XPO6: variants seen among roughly 807,000 people sequenced by gnomAD.
The protein encoded by XPO6 is exportin 6.
XPO6 carries 3 observed loss-of-function variants against 130.0 expected under a neutral mutation model. That is an observed-to-expected ratio of 0.02 (90% CI 0.01 to 0.06). The LOEUF (loss-of-function observed/expected upper bound fraction) is 0.06, where lower values mean the gene tolerates loss of function less well. Among genes scored for constraint, XPO6 ranks in the 10% least tolerant of loss-of-function variants. The probability of loss-of-function intolerance (pLI) is 1.00; values close to 1 mark genes in which losing one functional copy is unlikely to be tolerated. For missense variants in XPO6, 970 were observed against 1,393.0 expected (o/e 0.70, Z 4.83); for synonymous variants, 524 against 548.9 (o/e 0.95, Z 0.63).
chr16:28,141,413 C>T lies in XPO6; in HGVS notation c.1334+4681G>A, dbSNP rs540681793. 3.4e-4 allele frequency among the ~76,000 whole-genome samples: 52 copies of T among 152,306 alleles called. 1 individual carries two copies. In the South Asian group the frequency reaches 1.0e-2, roughly 29 times the overall value. ...GAGAGAAAGGGGAGGTGAACCAATG[C>T]TTATTTGCTGAGCACCTACTGTCAG... is the stretch of plus-strand genomic sequence containing the variant. On this transcript the variant is annotated intron_variant, in intron 9 of 23. Transcript: ENST00000304658.
intron 1 of XPO6, among the ~76,000 whole-genome samples, chr16:28,189,257 T>TAAA (rs34353034): frequency 5.0e-4 from 67 of 134,602 alleles, no homozygotes; most frequent in African/African-American, 1.6e-3. Context: ...ACACTTCCTT[T>TAAA]AAAAAAAAAA....
chr16:28,104,399 TGAGGCTCC>T (rs2086726164), intron 21 of XPO6, 139 bp downstream of exon 21: 2 of 1,076,292 alleles, frequency 1.9e-6, no homozygotes, highest in African/African-American at 1.6e-5. Context: ...ATGAAGAAAC[TGAGGCTCC>T]AAGAAATTAA....
intron 13 of XPO6, among the ~76,000 whole-genome samples, chr16:28,122,191 T>A (rs2087259717): frequency 6.6e-6 from 1 of 152,084 alleles, no homozygotes; most frequent in African/African-American, 2.4e-5. Context: ...CAAAATATGC[T>A]TATTGGTACC....
intron 6 of XPO6, 92 bp from the exon 7 acceptor site, chr16:28,156,619 T>C: frequency 1.3e-6 from 1 of 777,556 alleles, no homozygotes. Flanking sequence ...TATATATATA[T>C]GTATACATAT....
intron 11 of XPO6, among the ~76,000 whole-genome samples, chr16:28,133,338 CAA>C (rs11399806): frequency 0.039 from 5,597 of 141,928 alleles, 157 homozygotes; most frequent in Non-Finnish European, 0.062. Flanking sequence ...GACTCCGTCT[CAA>C]AAAAAAAAAA....
chr16:28,194,892 T>C (rs1014613916), intron 1 of XPO6, among the ~76,000 whole-genome samples: 1 of 150,524 alleles, frequency 6.6e-6, no homozygotes, highest in African/African-American at 2.4e-5. Flanking sequence ...ACCCACCCTC[T>C]GCCTCAGCCA....
intron 1 of XPO6, among the ~76,000 whole-genome samples, chr16:28,198,778 T>C (rs2141902791): frequency 6.6e-6 from 1 of 152,326 alleles, no homozygotes; most frequent in Admixed American, 6.5e-5. Context: ...GAGAAGAGCT[T>C]ACAAAAACTC....
chr16:28,202,257 G>T (rs766212076), intron 1 of XPO6, among the ~76,000 whole-genome samples: 18 of 152,186 alleles, frequency 1.2e-4, no homozygotes, highest in Non-Finnish European at 2.2e-4. Context: ...AAGTAAGTAA[G>T]AAACTTAAAA....
At chr16:28,120,173 A>AAAT (rs57216440) in intron 14 of XPO6, among the ~76,000 whole-genome samples, 7 of 152,230 alleles carry the variant, frequency 4.6e-5, no homozygotes, top group African/African-American at 1.2e-4. Flanking sequence ...TGGCTCAGCA[A>AAAT]AATAATAATA....
intron 1 of XPO6, among the ~76,000 whole-genome samples, chr16:28,182,939 G>C (rs1267838138): frequency 6.6e-6 from 1 of 151,922 alleles, no homozygotes; most frequent in African/African-American, 2.4e-5. Context: ...AGATGCAGAA[G>C]AATCAAAAAA....
chr16:28,150,956 TCTAC>T (rs1313925699), intron 8 of XPO6, among the ~76,000 whole-genome samples: 1 of 152,020 alleles, frequency 6.6e-6, no homozygotes, highest in East Asian at 1.9e-4. Context: ...CACTTGCCCC[TCTAC>T]CTGACACCTC....
chr16:28,163,820 A>C (rs1213929422), intron 6 of XPO6, among the ~76,000 whole-genome samples: 1 of 152,152 alleles, frequency 6.6e-6, no homozygotes, highest in Non-Finnish European at 1.5e-5. Flanking sequence ...CTAGATTTGG[A>C]ATTCTAGGGT....
At position 28,177,348 on chromosome 16, in the gene XPO6, G is replaced by A. The variant is rs2141864977; in HGVS notation, c.95-16C>T. Reference sequence around the variant, plus strand: ...AGAAGCTCCTCTGGAAAAGTTAAATGGCAACAAAAGAAAGCTATGAAAATA... The same window carrying A: ...AGAAGCTCCTCTGGAAAAGTTAAATAGCAACAAAAGAAAGCTATGAAAATA... On this transcript the variant is annotated splice_polypyrimidine_tract_variant and intron_variant, in intron 2 of 23. Coordinates refer to ENST00000304658, the MANE Select transcript of XPO6 (RefSeq NM_015171.4). The A allele has an allele frequency of 1.3e-6, 2 of 1,510,490 alleles. No homozygotes were observed. The highest frequency in any genetic ancestry group is 1.8e-6 in the Non-Finnish European group (2 of 1,093,146). 93.6% of individuals were successfully genotyped at this position (1,510,490 alleles called of 1,614,324 possible). A position where few individuals can be genotyped will look rare whatever the true frequency, so the allele number is the denominator to read the frequency against.
At chr16:28,107,710 T>A (rs2086817380) in intron 17 of XPO6, 33 bp from the exon 18 acceptor site, 1 of 1,609,074 alleles carries the variant, frequency 6.2e-7, no homozygotes, top group Non-Finnish European at 8.5e-7. Flanking sequence ...GGTTATAAGC[T>A]GTCTGGGGAG....
intron 14 of XPO6, among the ~76,000 whole-genome samples, chr16:28,120,540 C>A (rs2087206265): frequency 6.6e-6 from 1 of 152,108 alleles, no homozygotes; most frequent in Non-Finnish European, 1.5e-5. Flanking sequence ...GAATTTCAGT[C>A]AATCTAGCAC....
chr16:28,112,381 C>G (rs1273893565), intron 16 of XPO6, among the ~76,000 whole-genome samples: 2 of 152,202 alleles, frequency 1.3e-5, no homozygotes, highest in African/African-American at 4.8e-5. Flanking sequence ...GAATCCGTGA[C>G]AATCCATGCC....
At chr16:28,152,829 C>T in intron 7 of XPO6, 44 bp from the exon 8 acceptor site, 1 of 1,597,270 alleles carries the variant, frequency 6.3e-7, no homozygotes, top group South Asian at 1.2e-5. Context: ...AACCCAGCCA[C>T]CTCCTTAGAA....
intron 14 of XPO6, among the ~76,000 whole-genome samples, chr16:28,119,829 G>A (rs750466543): frequency 2.7e-4 from 41 of 152,116 alleles, no homozygotes; most frequent in Non-Finnish European, 1.6e-4. Flanking sequence ...GGATTTACGG[G>A]TGAAGTGACA....
chr16:28,129,145 A>G (rs2042618529), intron 12 of XPO6, among the ~76,000 whole-genome samples: 1 of 152,214 alleles, frequency 6.6e-6, no homozygotes, highest in Non-Finnish European at 1.5e-5. Context: ...CACTTCACAC[A>G]TATGTGTATC....
Sources: gnomAD v4.1 joint callset for allele counts (sites outside exome capture counted in the v4.1 genomes callset) on GRCh38, gnomAD v4.1.1 for gene constraint, MANE v1.5 for transcripts, NCBI Gene and HGNC (gene_info 2026-07-23, HGNC 2026-07-21) for gene names.